Variants in NAALADL2 observed in about 807,000 individuals in gnomAD.
The protein encoded by NAALADL2 is inactive N-acetylated-alpha-linked acidic dipeptidase-like protein 2.
A neutral mutation model predicts 87.2 loss-of-function variants in NAALADL2; 76 were observed. The observed-to-expected ratio is 0.87, with a 90% CI of 0.72 to 1.05. The LOEUF is 1.05. Among genes scored for constraint, NAALADL2 ranks in the 50% least tolerant of loss-of-function variants. The pLI is 0.00. For missense variants in NAALADL2, 1,089 were observed against 945.8 expected (o/e 1.15, Z -1.99); for synonymous variants, 354 against 331.0 (o/e 1.07, Z -0.75).
rs2108525132 is a variant in NAALADL2, at chr3:174,567,159, A to G, written c.-115+16522A>G. Among the ~76,000 whole-genome samples the G allele has an allele frequency of 2.0e-5, 3 of 151,812 alleles. No individual in the cohort carries two copies. The Middle Eastern group carries it at 0.01, about 516-fold the overall frequency. On this transcript the variant is annotated intron_variant, in intron 2 of 3. Transcript: ENST00000434257. ...TTTTAGCTACATCTTCAGAGATGAT[A>G]ATAGATATTCTGGTTGGACATGAGT...
At chr3:174,621,518 G>T (rs1720990475) in intron 2 of NAALADL2, among the ~76,000 whole-genome samples, 1 of 152,054 alleles carries the variant, frequency 6.6e-6, no homozygotes, top group African/African-American at 2.4e-5. Context: ...TAATATACAT[G>T]AAATAAATGA....
intron 10 of NAALADL2, among the ~76,000 whole-genome samples, chr3:175,605,480 G>A (rs7624266): frequency 0.74 from 112,291 of 151,340 alleles, 41,914 homozygotes; most frequent in East Asian, 0.88. Context: ...ACCTCATTCT[G>A]GTAACTGAGT....
chr3:175,028,287 T>C (rs964691901), intron 1 of NAALADL2, among the ~76,000 whole-genome samples: 1 of 152,108 alleles, frequency 6.6e-6, no homozygotes, highest in Non-Finnish European at 1.5e-5. Context: ...ACAAAAATAA[T>C]AGATATACAG....
chr3:175,456,177 A>G (rs1722285671), intron 6 of NAALADL2, among the ~76,000 whole-genome samples: 1 of 152,048 alleles, frequency 6.6e-6, no homozygotes, highest in Non-Finnish European at 1.5e-5. Flanking sequence ...GCTCTTAATA[A>G]TTGCAACAAA....
intron 5 of NAALADL2, among the ~76,000 whole-genome samples, chr3:175,344,340 T>C (rs1386625112): frequency 6.6e-6 from 1 of 151,930 alleles, no homozygotes; most frequent in Non-Finnish European, 1.5e-5. Context: ...TCTGGTTTTC[T>C]ACTTTTACAC....
At chr3:174,644,013 A>T (rs1723528194) in intron 2 of NAALADL2, among the ~76,000 whole-genome samples, 1 of 152,194 alleles carries the variant, frequency 6.6e-6, no homozygotes, top group Non-Finnish European at 1.5e-5. Flanking sequence ...ACAGTAGTTT[A>T]TTGTATAATT....
rs969215467 is a variant in NAALADL2, at chr3:175,141,520, A to G, written c.545+44229A>G. 1.9e-4 allele frequency among the ~76,000 whole-genome samples: 29 copies of G among 152,284 alleles called. 1 individual carries two copies. Among genetic ancestry groups the G allele is most frequent in the Admixed American group, 9.2e-4 (14 of 15,272 alleles). The stretch of plus-strand genomic sequence containing the variant: ...TCCATGAACTATAAGTAAAGGCATC[A>G]GTAGCAAAGCTTGACTGGGATATCC... On this transcript the variant is annotated intron_variant, in intron 2 of 13. Transcript: ENST00000454872.
Position 175,763,009 on chromosome 3 carries a change from A to G in NAALADL2, c.2189+7591A>G, listed in dbSNP as rs536969222. 3.7e-3 allele frequency among the ~76,000 whole-genome samples: 570 copies of G among 152,188 alleles called. 4 individuals are homozygous for G. The highest frequency in any genetic ancestry group is 0.013 in the African/African-American group (524 of 41,526). ...TGAGACAGGAGAATGGCATGAACCC[A>G]GGAGGCGGAGCTTGCAGTGAGCCGA... On this transcript the variant is annotated intron_variant, in intron 13 of 13. Coordinates refer to ENST00000454872, the MANE Select transcript of NAALADL2 (RefSeq NM_207015.3).
At chr3:175,146,959 T>C (rs933453397) in intron 2 of NAALADL2, among the ~76,000 whole-genome samples, 6 of 152,220 alleles carry the variant, frequency 3.9e-5, no homozygotes, top group Admixed American at 3.9e-4. Context: ...AATTTTAATA[T>C]AGTCCCCAAA....
At chr3:175,495,416 G>C (rs1053790477) in intron 9 of NAALADL2, among the ~76,000 whole-genome samples, 3 of 152,096 alleles carry the variant, frequency 2.0e-5, no homozygotes, top group Non-Finnish European at 2.9e-5. Flanking sequence ...ACCTCTGCAT[G>C]AAACGGGGAC....
chr3:175,155,482 T>C (rs921985114), intron 2 of NAALADL2, among the ~76,000 whole-genome samples: 16 of 152,068 alleles, frequency 1.1e-4, no homozygotes, highest in Non-Finnish European at 8.8e-5. Context: ...AAGCTTCTGG[T>C]AATAAGGAAT....
chr3:174,528,995 A>C (rs891622386), intron 1 of NAALADL2, among the ~76,000 whole-genome samples: 3 of 152,126 alleles, frequency 2.0e-5, no homozygotes, highest in African/African-American at 7.2e-5. Context: ...AAAAGTAGTC[A>C]TGCCTTCCCA....
chr3:174,859,800 C>T (rs1419192461), intron 1 of NAALADL2, among the ~76,000 whole-genome samples: 3 of 152,126 alleles, frequency 2.0e-5, no homozygotes, highest in Non-Finnish European at 4.4e-5. Context: ...CCTTTTCCAA[C>T]ATTAACAGAA....
chr3:175,142,639 C>T (rs191186099), intron 2 of NAALADL2, among the ~76,000 whole-genome samples: 1 of 151,798 alleles, frequency 6.6e-6, no homozygotes, highest in Non-Finnish European at 1.5e-5. Flanking sequence ...TACATGATTT[C>T]TCCTAGATTT....
chr3:174,981,663 G>A (rs115840248), intron 1 of NAALADL2, among the ~76,000 whole-genome samples: 1,552 of 151,998 alleles, frequency 0.01, 16 homozygotes, highest in African/African-American at 0.034. Context: ...GCGTCGCTTC[G>A]GATCATGATA....
At chr3:175,594,512 C>T (rs1327317439) in intron 10 of NAALADL2, among the ~76,000 whole-genome samples, 2 of 152,040 alleles carry the variant, frequency 1.3e-5, no homozygotes, top group Non-Finnish European at 2.9e-5. Flanking sequence ...TTTATTTCCC[C>T]TTGGGTATGT....
Position 175,085,872 on chromosome 3 carries a change from C to T in NAALADL2, c.44-10918C>T, listed in dbSNP as rs529358884. Reference sequence around the variant, plus strand: ...GGCAGAGGTTGCAATAAGCAGAGATCGTGCCACTGCACTCCAGCCTGGTGA... The same window carrying T: ...GGCAGAGGTTGCAATAAGCAGAGATTGTGCCACTGCACTCCAGCCTGGTGA... On this transcript the variant is annotated intron_variant, in intron 1 of 13. Coordinates refer to ENST00000454872, the MANE Select transcript of NAALADL2 (RefSeq NM_207015.3). 6.6e-5 allele frequency among the ~76,000 whole-genome samples: 10 copies of T among 152,228 alleles called. No individual in the cohort carries two copies. The East Asian group carries it at 7.7e-4, about 12-fold the overall frequency.
chr3:175,232,592 A>G (rs1482313349), intron 2 of NAALADL2, among the ~76,000 whole-genome samples: 1 of 152,162 alleles, frequency 6.6e-6, no homozygotes, highest in East Asian at 1.9e-4. Flanking sequence ...ATCTTTTACA[A>G]AGTCTCAAAA....
At chr3:174,970,794 T>C (rs117527004) in intron 1 of NAALADL2, among the ~76,000 whole-genome samples, 1 of 152,318 alleles carries the variant, frequency 6.6e-6, no homozygotes, top group East Asian at 1.9e-4. Context: ...CATATTTATA[T>C]GGTCTCATTA....
Sources: gnomAD v4.1 joint callset for allele counts (sites outside exome capture counted in the v4.1 genomes callset) on GRCh38, gnomAD v4.1.1 for gene constraint, MANE v1.5 for transcripts, NCBI Gene and HGNC (gene_info 2026-07-23, HGNC 2026-07-21) for gene names.